The following SIK3 variants were observed in gnomAD, a reference collection of about 807,000 sequenced individuals.
SIK3 encodes the protein SIK family kinase 3.
A neutral mutation model predicts 144.2 loss-of-function variants in SIK3; 28 were observed. That is an observed-to-expected ratio of 0.19 (90% CI 0.14 to 0.27). SIK3 has a LOEUF of 0.27. Among genes scored for constraint, SIK3 ranks in the 10% least tolerant of loss-of-function variants. SIK3 has a pLI of 1.00. For missense variants in SIK3, 1,319 were observed against 1,776.0 expected (o/e 0.74, Z 4.62); for synonymous variants, 686 against 676.3 (o/e 1.01, Z -0.22).
intron 1 of SIK3, among the ~76,000 whole-genome samples, chr11:116,967,588 T>G (rs889352122): frequency 6.6e-6 from 1 of 152,208 alleles, no homozygotes; most frequent in Non-Finnish European, 1.5e-5. Context: ...CCTCATCTCT[T>G]GACATCTCCC....
chr11:116,992,821 A>C (rs796696169), intron 1 of SIK3, among the ~76,000 whole-genome samples: 33 of 152,250 alleles, frequency 2.2e-4, no homozygotes, highest in African/African-American at 7.0e-4. Context: ...TCATCTCTAC[A>C]GAAAAATTTA....
rs1457785172 is a variant in SIK3, at chr11:116,857,853, A to T, written c.3612T>A (p.His1204Gln). The change falls in exon 21 of 25, where the codon CAT becomes CAA. Residue 1204 changes from histidine to glutamine, a missense_variant. This residue lies in a region of SIK3 where 646 missense variants were observed against 763.7 expected (regional missense o/e 0.85). Coordinates refer to ENST00000445177, the MANE Select transcript of SIK3 (RefSeq NM_001366686.3). ...TTTTACTGAATGCAGCAGTTGGCTG[A>T]TGACCATAGGGATGTATCCCCAATT... ...AQELGIHPYGHQPTAAFSKNK... is the reference protein window; with the variant it reads ...AQELGIHPYGQQPTAAFSKNK... 2 of 1,614,228 alleles carry T rather than the reference A, an allele frequency of 1.2e-6. No homozygotes were observed. The highest frequency in any genetic ancestry group is 3.3e-5 in the Admixed American group (2 of 60,024).
chr11:116,974,144 A>G (rs1374771436), intron 1 of SIK3, among the ~76,000 whole-genome samples: 1 of 152,216 alleles, frequency 6.6e-6, no homozygotes, highest in Non-Finnish European at 1.5e-5. Context: ...CAATTTTTCT[A>G]CACATCTAAA....
In SIK3 at chr11:116,982,610, T is replaced by C. The variant is rs149126031; in HGVS notation, c.274-25546A>G. The stretch of plus-strand genomic sequence containing the variant: ...GCCTCAATTATTTTTCTTACACTAG[T>C]TCCAGAACGTTATATGTATATTATA... On this transcript the variant is annotated intron_variant, in intron 1 of 24. Coordinates refer to ENST00000445177, the MANE Select transcript of SIK3 (RefSeq NM_001366686.3). Among the ~76,000 whole-genome samples, 27 of 152,120 alleles carry C rather than the reference T, an allele frequency of 1.8e-4. No individual in the cohort carries two copies. The East Asian group carries it at 5.1e-3, about 28-fold the overall frequency.
At chr11:117,019,021 C>T (rs1951655361) in intron 1 of SIK3, among the ~76,000 whole-genome samples, 1 of 148,434 alleles carries the variant, frequency 6.7e-6, no homozygotes, top group African/African-American at 2.5e-5. Context: ...TTTATTGTAA[C>T]TTTTTTTTTT....
In SIK3 at chr11:116,937,190, A is replaced by G. The variant is rs528261966; in HGVS notation, c.455-9810T>C. 4.6e-5 allele frequency among the ~76,000 whole-genome samples: 7 copies of G among 152,356 alleles called. No homozygotes were observed. In the East Asian group the frequency reaches 1.3e-3, roughly 29 times the overall value. On this transcript the variant is annotated intron_variant, in intron 3 of 24. Coordinates refer to ENST00000445177, the MANE Select transcript of SIK3 (RefSeq NM_001366686.3). ...CACTGCAAGACGTAGAAAAATATGT[A>G]GAGTGTGTTTCTGTTTGTGTAGGAA...
chr11:116,921,248 A>G (rs1002517917), intron 4 of SIK3, among the ~76,000 whole-genome samples: 1 of 152,248 alleles, frequency 6.6e-6, no homozygotes, highest in African/African-American at 2.4e-5. Context: ...TTAATAAGAT[A>G]TATTTGCATG....
At chr11:117,041,909 C>CT (rs58194633) in intron 1 of SIK3, among the ~76,000 whole-genome samples, 4 of 151,842 alleles carry the variant, frequency 2.6e-5, no homozygotes, top group East Asian at 1.9e-4. Context: ...TATCCCTACT[C>CT]TTTTTTTTCA....
At chr11:116,992,442 A>G (rs1950531790) in intron 1 of SIK3, among the ~76,000 whole-genome samples, 1 of 151,876 alleles carries the variant, frequency 6.6e-6, no homozygotes, top group African/African-American at 2.4e-5. Flanking sequence ...CCTATATCCC[A>G]TACACTCTAC....
chr11:117,092,622 C>G (rs887084867), intron 1 of SIK3, among the ~76,000 whole-genome samples: 5 of 152,052 alleles, frequency 3.3e-5, no homozygotes, highest in Non-Finnish European at 7.3e-5. Flanking sequence ...CACTCCAGAC[C>G]CTAGAATGGA....
intron 3 of SIK3, among the ~76,000 whole-genome samples, chr11:116,943,806 A>G (rs890608035): frequency 1.3e-5 from 2 of 152,048 alleles, no homozygotes; most frequent in Non-Finnish European, 2.9e-5. Flanking sequence ...CTGAAATTCT[A>G]AACTTCCCCC....
chr11:117,024,267 T>C (rs1177328013), intron 1 of SIK3, among the ~76,000 whole-genome samples: 1 of 147,544 alleles, frequency 6.8e-6, no homozygotes, highest in Non-Finnish European at 1.5e-5. Flanking sequence ...GATTTTCAGC[T>C]AACCTCAAAG....
intron 1 of SIK3, among the ~76,000 whole-genome samples, chr11:117,036,449 G>A (rs1952508270): frequency 6.6e-6 from 1 of 152,134 alleles, no homozygotes; most frequent in South Asian, 2.1e-4. Context: ...TAAAATCCAA[G>A]GTAGTAATCA....
chr11:117,002,297 AT>A (rs778612214), intron 1 of SIK3, among the ~76,000 whole-genome samples: 1,682 of 146,774 alleles, frequency 0.011, 29 homozygotes, highest in African/African-American at 0.034. Context: ...CTTTTTTGCA[AT>A]TTTTTTTTTT....
At position 116,859,292 on chromosome 11, in the gene SIK3, A is replaced by G. The variant is rs768212612; in HGVS notation, c.2738T>C (p.Leu913Pro). ...SYGHRPLSKQLSADSAEAHSL... is the reference protein window; with the variant it reads ...SYGHRPLSKQPSADSAEAHSL... ...GTGAGCCTCTGCACTGTCAGCACTCAGCTGCTTGGACAAGGGACGGTGCCC... is the reference window on the plus strand; with the variant it reads ...GTGAGCCTCTGCACTGTCAGCACTCGGCTGCTTGGACAAGGGACGGTGCCC... Residue 913 changes from leucine (L) to proline (P), a missense_variant, in exon 20 of 25, where the codon CTG (leucine) becomes CCG (proline). Leu to Pro is a moderately conservative substitution (Grantham distance 98, BLOSUM62 -3). This residue lies in a region of SIK3 where 646 missense variants were observed against 763.7 expected (regional missense o/e 0.85). Coordinates refer to ENST00000445177, the MANE Select transcript of SIK3 (RefSeq NM_001366686.3). 2.5e-6 allele frequency: 4 copies of G among 1,611,630 alleles called. No individual in the cohort carries two copies. In the South Asian group the frequency reaches 4.4e-5, roughly 18 times the overall value.
chr11:116,862,445 G>A, intron 16 of SIK3, 118 bp from the exon 17 acceptor site: 1 of 1,332,242 alleles, frequency 7.5e-7, no homozygotes, highest in South Asian at 1.3e-5. Context: ...CAAGAGAACA[G>A]TGTCCTTGAT....
chr11:116,941,089 C>T (rs1279356248), intron 3 of SIK3, among the ~76,000 whole-genome samples: 1 of 152,124 alleles, frequency 6.6e-6, no homozygotes, highest in Non-Finnish European at 1.5e-5. Flanking sequence ...TCACTGCAAG[C>T]TCCGCCTCCT....
intron 3 of SIK3, 26 bp downstream of exon 3, chr11:116,954,018 T>G (rs1949050512): frequency 6.2e-7 from 1 of 1,603,098 alleles, no homozygotes; most frequent in African/African-American, 1.3e-5. Flanking sequence ...CAATAGCTGT[T>G]TAAAGAATGC....
At chr11:116,984,104 A>C (rs1338399520) in intron 1 of SIK3, among the ~76,000 whole-genome samples, 1 of 151,990 alleles carries the variant, frequency 6.6e-6, no homozygotes, top group Non-Finnish European at 1.5e-5. Context: ...GGTTCAAAAG[A>C]AGCAGCAGCG....
Sources: allele counts gnomAD v4.1 joint callset (sites outside exome capture counted in the v4.1 genomes callset), GRCh38; gene constraint gnomAD v4.1.1; regional missense constraint gnomAD v4.1.1; transcripts MANE v1.5; gene names NCBI Gene and HGNC (gene_info 2026-07-23, HGNC 2026-07-21).